ATG5: variants seen among roughly 807,000 people sequenced by gnomAD.
ATG5 encodes the protein autophagy related 5.
Under a neutral mutation model 36.5 loss-of-function variants are expected in ATG5, and 14 were observed. The observed-to-expected ratio is 0.38, with a 90% confidence interval of 0.25 to 0.60. The LOEUF (loss-of-function observed/expected upper bound fraction) is 0.60. Ranked by LOEUF, ATG5 falls within the 20% of genes least tolerant of loss-of-function variation. The pLI is 0.60. For synonymous variants in ATG5, 95 were observed against 101.5 expected (o/e 0.94, Z 0.38); for missense variants, 195 against 326.7 (o/e 0.60, Z 3.11).
chr6:106,197,683 C>T (rs1313955944), intron 7 of ATG5, among the ~76,000 whole-genome samples: 2 of 152,096 alleles, frequency 1.3e-5, no homozygotes, highest in African/African-American at 2.4e-5. Flanking sequence ...ACCATGTGAC[C>T]ACCGCACACA....
At chr6:106,223,224 C>T (rs1777315311) in intron 6 of ATG5, among the ~76,000 whole-genome samples, 1 of 152,100 alleles carries the variant, frequency 6.6e-6, no homozygotes, top group Non-Finnish European at 1.5e-5. Flanking sequence ...AACAAAATGG[C>T]AAATCATCTG....
rs1267913598 is a variant in ATG5, at chr6:106,186,056, C to G, written c.*484G>C. The G allele has an allele frequency of 6.5e-6, 1 of 153,708 alleles. No individual in the cohort carries two copies. Among genetic ancestry groups the G allele is most frequent in the Admixed American group, 6.5e-5 (1 of 15,354 alleles). 9.5% of individuals were successfully genotyped at this position (153,708 alleles called of 1,614,324 possible). On this transcript the variant is annotated 3_prime_UTR_variant, in exon 8 of 8. Transcript: ENST00000369076. ...AAGGAAAGATGGGTTTACTGTAATT[C>G]AATCTTTTACAAAAAATTACTTGCA... is the stretch of plus-strand genomic sequence containing the variant.
At chr6:106,310,107 C>T (rs1296866610) in intron 2 of ATG5, among the ~76,000 whole-genome samples, 1 of 152,088 alleles carries the variant, frequency 6.6e-6, no homozygotes, top group Non-Finnish European at 1.5e-5. Flanking sequence ...TCAATTAAGA[C>T]AGGAATTTTT....
chr6:106,253,278 A>T (rs1778670004), intron 5 of ATG5, among the ~76,000 whole-genome samples: 1 of 152,324 alleles, frequency 6.6e-6, no homozygotes, highest in Non-Finnish European at 1.5e-5. Context: ...ATTCATCATG[A>T]ACACAGAAGT....
chr6:106,277,912 G>A (rs1779725713), intron 5 of ATG5, among the ~76,000 whole-genome samples: 1 of 152,108 alleles, frequency 6.6e-6, no homozygotes, highest in Non-Finnish European at 1.5e-5. Context: ...TAACACATTA[G>A]AAACACTGAG....
intron 6 of ATG5, among the ~76,000 whole-genome samples, chr6:106,228,958 TC>T (rs1777555077): frequency 6.6e-6 from 1 of 152,332 alleles, no homozygotes; most frequent in East Asian, 1.9e-4. Context: ...CGTCCCGAAC[TC>T]CCGGCATTAG....
intron 5 of ATG5, among the ~76,000 whole-genome samples, chr6:106,277,195 T>C (rs1779691886): frequency 6.6e-6 from 1 of 152,198 alleles, no homozygotes; most frequent in African/African-American, 2.4e-5. Context: ...AAACACCCAT[T>C]TGATGTGGTA....
At chr6:106,252,819 A>G (rs1184590016) in intron 5 of ATG5, among the ~76,000 whole-genome samples, 2 of 152,238 alleles carry the variant, frequency 1.3e-5, no homozygotes, top group Non-Finnish European at 2.9e-5. Flanking sequence ...TTAACATCTA[A>G]GAAGCCAAGG....
At chr6:106,311,472 A>G (rs556796530) in intron 2 of ATG5, among the ~76,000 whole-genome samples, 1 of 152,334 alleles carries the variant, frequency 6.6e-6, no homozygotes, top group African/African-American at 2.4e-5. Context: ...GGGTGTGTGT[A>G]GGTATGGGAG....
intron 3 of ATG5, among the ~76,000 whole-genome samples, chr6:106,302,942 G>A (rs1338739862): frequency 2.0e-5 from 3 of 151,986 alleles, no homozygotes; most frequent in Non-Finnish European, 4.4e-5. Context: ...CATTGTGAAT[G>A]TAATTAACAC....
intron 7 of ATG5, among the ~76,000 whole-genome samples, chr6:106,192,812 C>T (rs1776018260): frequency 6.6e-6 from 1 of 152,156 alleles, no homozygotes; most frequent in Non-Finnish European, 1.5e-5. Flanking sequence ...TTTCTGATTA[C>T]CACTAGCCTG....
intron 4 of ATG5, among the ~76,000 whole-genome samples, chr6:106,280,155 A>C (rs912264899): frequency 6.6e-6 from 1 of 152,086 alleles, no homozygotes; most frequent in African/African-American, 2.4e-5. Context: ...GAAATGTAAA[A>C]TAGTATAACC....
At chr6:106,271,262 A>G (rs1779442215) in intron 5 of ATG5, among the ~76,000 whole-genome samples, 1 of 152,182 alleles carries the variant, frequency 6.6e-6, no homozygotes, top group African/African-American at 2.4e-5. Context: ...CCTATTGTGG[A>G]CTGAATGTTT....
chr6:106,210,745 T>C (rs958318967), intron 6 of ATG5, among the ~76,000 whole-genome samples: 46 of 152,248 alleles, frequency 3.0e-4, no homozygotes, highest in African/African-American at 8.9e-4. Flanking sequence ...TGTGTGTCAA[T>C]TGTATCATCT....
intron 6 of ATG5, among the ~76,000 whole-genome samples, chr6:106,221,538 T>C (rs1033138390): frequency 6.6e-6 from 1 of 151,764 alleles, no homozygotes; most frequent in African/African-American, 2.4e-5. Flanking sequence ...ATACAAAAAT[T>C]AGCTGCGCCT....
chr6:106,209,820 C>T (rs543457664), intron 6 of ATG5, among the ~76,000 whole-genome samples: 19 of 152,108 alleles, frequency 1.2e-4, no homozygotes, highest in African/African-American at 4.6e-4. Flanking sequence ...CTTACAATTG[C>T]ATGTGAATCT....
chr6:106,250,044 T>A (rs1778507840), intron 5 of ATG5, among the ~76,000 whole-genome samples: 1 of 151,998 alleles, frequency 6.6e-6, no homozygotes, highest in Non-Finnish European at 1.5e-5. Flanking sequence ...ACATTGTTTT[T>A]TAAGCAACTC....
At chr6:106,230,817 A>G (rs548783941) in intron 6 of ATG5, among the ~76,000 whole-genome samples, 1 of 152,288 alleles carries the variant, frequency 6.6e-6, no homozygotes, top group South Asian at 2.1e-4. Context: ...TGGCATCCTG[A>G]GGGAAGCATA....
chr6:106,301,749 T>A (rs1770216367), intron 3 of ATG5, among the ~76,000 whole-genome samples: 1 of 151,992 alleles, frequency 6.6e-6, no homozygotes, highest in South Asian at 2.1e-4. Flanking sequence ...ATACAAACAT[T>A]CCAAAATCTG....
Sources: allele counts gnomAD v4.1 joint callset (sites outside exome capture counted in the v4.1 genomes callset), GRCh38; gene constraint gnomAD v4.1.1; transcripts MANE v1.5; gene names NCBI Gene and HGNC (gene_info 2026-07-23, HGNC 2026-07-21).